SGCZ: variants seen among roughly 807,000 people sequenced by gnomAD.
The protein encoded by SGCZ is zeta-sarcoglycan.
SGCZ carries 40 observed loss-of-function variants against 41.3 expected under a neutral mutation model. The observed-to-expected ratio is 0.97, with a 90% CI of 0.75 to 1.26. The LOEUF (loss-of-function observed/expected upper bound fraction) is 1.26. Among genes scored for constraint, SGCZ ranks in the 50% most tolerant of loss-of-function variants. The pLI is 0.00. For synonymous variants in SGCZ, 206 were observed against 137.5 expected (o/e 1.50, Z -3.49); for missense variants, 552 against 369.8 (o/e 1.49, Z -4.04).
At chr8:14,148,345 CA>C (rs904204340) in intron 5 of SGCZ, among the ~76,000 whole-genome samples, 96 of 151,550 alleles carry the variant, frequency 6.3e-4, no homozygotes, top group African/African-American at 2.2e-3. Flanking sequence ...AAATCAGAAA[CA>C]AAAAAGGAGT....
intron 1 of SGCZ, among the ~76,000 whole-genome samples, chr8:14,619,053 A>T (rs1233655584): frequency 1.3e-5 from 2 of 152,166 alleles, no homozygotes; most frequent in Non-Finnish European, 2.9e-5. Flanking sequence ...TCTATATATT[A>T]GTCCATTTTC....
At chr8:14,428,249 A>G (rs1799845241) in intron 2 of SGCZ, among the ~76,000 whole-genome samples, 1 of 151,894 alleles carries the variant, frequency 6.6e-6, no homozygotes, top group African/African-American at 2.4e-5. Flanking sequence ...CCTATATAAT[A>G]TGTAGGGTAA....
At chr8:14,932,023 A>G (rs1799935354) in intron 1 of SGCZ, among the ~76,000 whole-genome samples, 1 of 151,966 alleles carries the variant, frequency 6.6e-6, no homozygotes, top group Admixed American at 6.5e-5. Context: ...TTTGTTAAAT[A>G]TAAAGTATGT....
chr8:15,066,686 G>A lies in SGCZ; in HGVS notation c.39+170899C>T, dbSNP rs186050088. Among the ~76,000 whole-genome samples, 190 of 152,008 alleles carry A rather than the reference G, an allele frequency of 1.2e-3. 1 individual carries two copies. Among genetic ancestry groups the A allele is most frequent in the Admixed American group, 9.6e-3 (146 of 15,264 alleles). On this transcript the variant is annotated intron_variant, in intron 1 of 7. Transcript: ENST00000382080. Reference sequence around the variant, plus strand: ...ATATTCTTTTTACATTGACTATATCGCTTTTTTCTTTCCTTCTTTTGAGAA... The same window carrying A: ...ATATTCTTTTTACATTGACTATATCACTTTTTTCTTTCCTTCTTTTGAGAA...
At chr8:14,952,873 T>A (rs901586502) in intron 1 of SGCZ, among the ~76,000 whole-genome samples, 9 of 152,180 alleles carry the variant, frequency 5.9e-5, no homozygotes, top group African/African-American at 2.2e-4. Context: ...CACACCTTAC[T>A]GTGTGCTGGA....
intron 1 of SGCZ, among the ~76,000 whole-genome samples, chr8:14,727,923 G>C (rs1040172193): frequency 5.9e-5 from 9 of 152,152 alleles, no homozygotes; most frequent in African/African-American, 1.9e-4. Flanking sequence ...CAATTAAAAT[G>C]AGTAAACTAT....
intron 1 of SGCZ, among the ~76,000 whole-genome samples, chr8:14,851,383 AAAAAAAAG>A (rs1165603417): frequency 2.1e-5 from 3 of 143,336 alleles, no homozygotes; most frequent in South Asian, 2.1e-4. Flanking sequence ...AAAAAAAAAA[AAAAAAAAG>A]AAAAAAAGAA....
At chr8:14,276,137 C>T (rs1250311477) in intron 3 of SGCZ, among the ~76,000 whole-genome samples, 2 of 152,118 alleles carry the variant, frequency 1.3e-5, no homozygotes, top group Non-Finnish European at 2.9e-5. Context: ...TCTAAAATTC[C>T]TTTACATGTG....
intron 1 of SGCZ, among the ~76,000 whole-genome samples, chr8:14,803,239 T>C (rs969264300): frequency 1.3e-5 from 2 of 152,102 alleles, no homozygotes; most frequent in African/African-American, 4.8e-5. Flanking sequence ...GATGGCCGAA[T>C]AGGAACAGCT....
chr8:14,831,442 A>G (rs1486698704), intron 1 of SGCZ, among the ~76,000 whole-genome samples: 2 of 152,210 alleles, frequency 1.3e-5, no homozygotes, highest in Non-Finnish European at 2.9e-5. Context: ...CTGGATGCTC[A>G]TAATTCTGGG....
intron 1 of SGCZ, among the ~76,000 whole-genome samples, chr8:14,852,673 T>G (rs778200565): frequency 6.6e-6 from 1 of 152,200 alleles, no homozygotes; most frequent in South Asian, 2.1e-4. Context: ...GTCTTTTCCA[T>G]TTTTGTTCAT....
chr8:14,428,299 G>T (rs1236517810), intron 2 of SGCZ, among the ~76,000 whole-genome samples: 2 of 151,568 alleles, frequency 1.3e-5, no homozygotes, highest in Non-Finnish European at 2.9e-5. Context: ...ATTTATCTAT[G>T]CATTTTTATC....
At chr8:15,021,988 A>G (rs989645005) in intron 1 of SGCZ, among the ~76,000 whole-genome samples, 8 of 152,222 alleles carry the variant, frequency 5.3e-5, no homozygotes, top group Non-Finnish European at 1.2e-4. Flanking sequence ...ATAGAAACAT[A>G]ACCTTGTGCA....
intron 2 of SGCZ, among the ~76,000 whole-genome samples, chr8:14,359,673 C>A (rs1357664396): frequency 1.3e-5 from 2 of 151,948 alleles, no homozygotes; most frequent in Non-Finnish European, 2.9e-5. Flanking sequence ...ACACAGTGAC[C>A]TCACTATTGA....
intron 1 of SGCZ, among the ~76,000 whole-genome samples, chr8:15,078,147 CTTTTTTTTTTTTTTT>C (rs34411963): frequency 1.1e-4 from 5 of 44,798 alleles, no homozygotes; most frequent in Admixed American, 2.7e-4. Context: ...AGGAACTCTT[CTTTTTTTTTTTTTTT>C]TTTTTTTTTT....
chr8:14,924,090 G>A (rs961513827), intron 1 of SGCZ, among the ~76,000 whole-genome samples: 5 of 152,154 alleles, frequency 3.3e-5, no homozygotes, highest in African/African-American at 7.2e-5. Context: ...AAAGCCACTC[G>A]CACCTGCATA....
intron 1 of SGCZ, among the ~76,000 whole-genome samples, chr8:14,886,382 G>C (rs1804805346): frequency 6.6e-6 from 1 of 151,960 alleles, no homozygotes; most frequent in South Asian, 2.1e-4. Context: ...ATTAGACAGA[G>C]GTGAAAGCTA....
chr8:14,140,083 T>A (rs1803320052), intron 5 of SGCZ, among the ~76,000 whole-genome samples: 1 of 151,958 alleles, frequency 6.6e-6, no homozygotes, highest in Non-Finnish European at 1.5e-5. Context: ...ACATGATTGT[T>A]TCAATAGATG....
intron 3 of SGCZ, among the ~76,000 whole-genome samples, chr8:14,268,692 T>C (rs1163830147): frequency 2.6e-5 from 4 of 151,868 alleles, no homozygotes; most frequent in African/African-American, 9.7e-5. Flanking sequence ...ATATGTGTTA[T>C]TAGAACATGA....
Sources: allele counts gnomAD v4.1 joint callset (sites outside exome capture counted in the v4.1 genomes callset), GRCh38; gene constraint gnomAD v4.1.1; transcripts MANE v1.5; gene names NCBI Gene and HGNC (gene_info 2026-07-23, HGNC 2026-07-21).